Variants in WDR7 observed in about 807,000 individuals in gnomAD.
WDR7 encodes the protein WD repeat-containing protein 7.
Under a neutral mutation model 169.4 loss-of-function variants are expected in WDR7, and 46 were observed. The ratio of observed to expected loss-of-function variants is 0.27; its 90% CI spans 0.21 to 0.35. The LOEUF is 0.35. Among genes scored for constraint, WDR7 ranks in the 10% least tolerant of loss-of-function variants. The pLI is 1.00. For missense variants in WDR7, 1,534 were observed against 1,859.3 expected (o/e 0.83, Z 3.22); for synonymous variants, 612 against 666.8 (o/e 0.92, Z 1.27).
chr18:56,802,356 G>GT (rs1438924529), intron 19 of WDR7, among the ~76,000 whole-genome samples: 1 of 147,476 alleles, frequency 6.8e-6, no homozygotes, highest in Admixed American at 6.7e-5. Context: ...TAAAATTTTT[G>GT]TTTTGTTTTT....
intron 13 of WDR7, among the ~76,000 whole-genome samples, chr18:56,731,094 A>T (rs2026575597): frequency 6.6e-6 from 1 of 152,194 alleles, no homozygotes; most frequent in South Asian, 2.1e-4. Flanking sequence ...CAAGAAAACC[A>T]TCTGGGAGGT....
chr18:56,739,137 G>A (rs2043574316), intron 14 of WDR7, among the ~76,000 whole-genome samples: 1 of 151,544 alleles, frequency 6.6e-6, no homozygotes, highest in Non-Finnish European at 1.5e-5. Context: ...ATATAGTAGT[G>A]TTTAGATCTA....
intron 16 of WDR7, among the ~76,000 whole-genome samples, chr18:56,765,144 ATG>A (rs2044041295): frequency 6.6e-6 from 1 of 151,882 alleles, no homozygotes; most frequent in African/African-American, 2.4e-5. Flanking sequence ...TATATTTAAG[ATG>A]TGTTTCTTGT....
intron 16 of WDR7, among the ~76,000 whole-genome samples, chr18:56,774,034 T>C (rs1399039447): frequency 6.6e-6 from 1 of 152,076 alleles, no homozygotes; most frequent in East Asian, 1.9e-4. Flanking sequence ...TTTTTAAACA[T>C]TGCATTTTTT....
chr18:56,718,161 T>A lies in WDR7; in HGVS notation c.1774+2T>A. On this transcript the variant is annotated splice_donor_variant, in intron 13 of 27. Coordinates refer to ENST00000254442, the MANE Select transcript of WDR7 (RefSeq NM_015285.3). LOFTEE classifies it high-confidence loss of function. Reference sequence around the variant, plus strand: ...TGTACGTCTGGCAAATGGATACTGGTAAGAACAAGTATGAAGAGATACTAT... The same window carrying A: ...TGTACGTCTGGCAAATGGATACTGGAAAGAACAAGTATGAAGAGATACTAT... 1 of 1,598,572 alleles carries A rather than the reference T, an allele frequency of 6.3e-7. No homozygotes were observed. The highest frequency in any genetic ancestry group is 8.5e-7 in the Non-Finnish European group (1 of 1,172,936).
Position 57,029,094 on chromosome 18 carries a change from T to C in WDR7, c.*1887T>C, listed in dbSNP as rs1165659908. On this transcript the variant is annotated 3_prime_UTR_variant, in exon 28 of 28. Transcript: ENST00000254442. The stretch of plus-strand genomic sequence containing the variant: ...ATTAATTTATTGTAGACTACATCTC[T>C]ATTTGGAATGATGAGGTAAATGTAT... 6.6e-6 allele frequency: 1 copy of C among 152,504 alleles called. No individual in the cohort carries two copies. Among genetic ancestry groups the C allele is most frequent in the African/African-American group, 2.4e-5 (1 of 41,472 alleles). 9.4% of individuals were successfully genotyped at this position (152,504 alleles called of 1,614,324 possible). A position where few individuals can be genotyped will look rare whatever the true frequency, so the allele number is the denominator to read the frequency against.
intron 21 of WDR7, among the ~76,000 whole-genome samples, chr18:56,890,034 G>A (rs889982471): frequency 6.6e-6 from 1 of 152,104 alleles, no homozygotes; most frequent in African/African-American, 2.4e-5. Flanking sequence ...TGTTTTTGTT[G>A]CTGTTTTCCC....
chr18:56,826,751 A>G (rs11151980), intron 20 of WDR7, among the ~76,000 whole-genome samples: 127,931 of 152,168 alleles, frequency 0.84, 53,914 homozygotes, highest in East Asian at 0.98. Flanking sequence ...TCAGGGAATC[A>G]GAACCAGCTA....
intron 12 of WDR7, among the ~76,000 whole-genome samples, chr18:56,698,347 C>G (rs2025749418): frequency 6.6e-6 from 1 of 152,070 alleles, no homozygotes; most frequent in Non-Finnish European, 1.5e-5. Flanking sequence ...TGGCTCATGC[C>G]TGTAATCCCA....
chr18:56,694,654 T>C lies in WDR7; in HGVS notation c.1002T>C (p.Tyr334=). 1 of 1,612,618 alleles carries C rather than the reference T, an allele frequency of 6.2e-7. No individual in the cohort carries two copies. Among genetic ancestry groups the C allele is most frequent in the Non-Finnish European group, 8.5e-7 (1 of 1,179,218 alleles). Residue 334 remains tyrosine (Y), a synonymous_variant, in exon 10 of 28, where the codon TAT becomes TAC. Transcript: ENST00000254442. ...GTCCTCCTGTTACTCGGTTCTTCTA[T>C]GGATGCAGAGAATATTTCCATAAAC... The part of the protein sequence containing the change: ...LICPPVTRFF[Y]GCREYFHKLL...
chr18:56,886,065 A>G (rs1020642807), intron 21 of WDR7, among the ~76,000 whole-genome samples: 5 of 152,234 alleles, frequency 3.3e-5, no homozygotes, highest in African/African-American at 4.8e-5. Flanking sequence ...ATTTGAGGGA[A>G]TAATCGAGGA....
intron 22 of WDR7, among the ~76,000 whole-genome samples, chr18:56,935,213 T>C (rs1050270407): frequency 9.9e-5 from 15 of 152,194 alleles, no homozygotes; most frequent in Admixed American, 8.5e-4. Flanking sequence ...ACTAAATAAC[T>C]GTTGGTGGAG....
intron 21 of WDR7, among the ~76,000 whole-genome samples, chr18:56,903,034 G>T (rs2046424524): frequency 6.6e-6 from 1 of 152,080 alleles, no homozygotes; most frequent in Non-Finnish European, 1.5e-5. Flanking sequence ...AATAAATATT[G>T]GCCTTTCTGA....
chr18:56,935,719 G>T, intron 22 of WDR7, 69 bp from the exon 23 acceptor site: 1 of 1,431,622 alleles, frequency 7.0e-7, no homozygotes, highest in Non-Finnish European at 9.8e-7. Context: ...TATAAGCTGT[G>T]TCTAATCTTT....
chr18:56,682,919 C>T (rs1039236880), intron 5 of WDR7, 66 bp downstream of exon 5: 1 of 1,448,378 alleles, frequency 6.9e-7, no homozygotes, highest in Non-Finnish European at 9.4e-7. Context: ...CTAGAACATT[C>T]TACAATTTAT....
intron 19 of WDR7, among the ~76,000 whole-genome samples, chr18:56,799,509 TG>T (rs968158532): frequency 2.0e-5 from 3 of 152,120 alleles, no homozygotes; most frequent in African/African-American, 7.2e-5. Context: ...TTATGTGCTG[TG>T]GGGGTCATAA....
At chr18:56,881,308 G>A (rs2046104908) in intron 21 of WDR7, among the ~76,000 whole-genome samples, 1 of 152,092 alleles carries the variant, frequency 6.6e-6, no homozygotes. Context: ...CCATAATGAT[G>A]CAACTATTAT....
chr18:56,770,026 C>G (rs1338329238), intron 16 of WDR7, among the ~76,000 whole-genome samples: 1 of 151,972 alleles, frequency 6.6e-6, no homozygotes, highest in Non-Finnish European at 1.5e-5. Flanking sequence ...GTGCTTGGAA[C>G]AGTGGCTGAT....
chr18:56,989,268 G>C (rs981977066), intron 26 of WDR7, among the ~76,000 whole-genome samples: 3 of 152,114 alleles, frequency 2.0e-5, no homozygotes, highest in African/African-American at 7.2e-5. Flanking sequence ...GAGGAGTTGA[G>C]TTCTTTGTTT....
Sources: allele counts gnomAD v4.1 joint callset (sites outside exome capture counted in the v4.1 genomes callset), GRCh38; gene constraint gnomAD v4.1.1; transcripts MANE v1.5; gene names NCBI Gene and HGNC (gene_info 2026-07-23, HGNC 2026-07-21).